The following SLC44A5 variants were observed in gnomAD, a reference collection of about 807,000 sequenced individuals.
SLC44A5 encodes solute carrier family 44 member 5.
SLC44A5 carries 57 observed loss-of-function variants against 101.8 expected under a neutral mutation model. The observed-to-expected ratio is 0.56, with a 90% CI of 0.45 to 0.70. SLC44A5 has a LOEUF of 0.70. Ranked by LOEUF, SLC44A5 falls within the 30% of genes least tolerant of loss-of-function variation. The pLI is 0.00. For missense variants in SLC44A5, 737 were observed against 853.1 expected (o/e 0.86, Z 1.70); for synonymous variants, 281 against 290.9 (o/e 0.97, Z 0.35).
intron 2 of SLC44A5, among the ~76,000 whole-genome samples, chr1:75,465,226 C>G (rs1240555475): frequency 6.6e-6 from 1 of 152,182 alleles, no homozygotes; most frequent in African/African-American, 2.4e-5. Context: ...AAATCAACAA[C>G]AAGAAGAATC....
the SLC44A5 span, among the ~76,000 whole-genome samples, chr1:75,689,267 C>T: frequency 1.3e-5 from 2 of 151,996 alleles, no homozygotes; most frequent in Admixed American, 1.3e-4. Context: ...GATAAGAATC[C>T]CATTCAAGTC....
In SLC44A5 at chr1:75,219,256, C is replaced by T; in HGVS notation, c.1266+1G>A. 6.3e-7 allele frequency: 1 copy of T among 1,598,800 alleles called. No individual in the cohort carries two copies. The highest frequency in any genetic ancestry group is 8.6e-7 in the Non-Finnish European group (1 of 1,166,274). On this transcript the variant is annotated splice_donor_variant, in intron 16 of 23. Transcript: ENST00000370859. LOFTEE classifies it high-confidence loss of function. ...TAAATGAAAGAGTTTCTTGTACTTA[C>T]CTCTGGGTCACAGGTTTGATTTTCA...
At chr1:75,368,297 T>C (rs1024537202) in intron 3 of SLC44A5, among the ~76,000 whole-genome samples, 4 of 152,222 alleles carry the variant, frequency 2.6e-5, no homozygotes, top group Admixed American at 2.0e-4. Flanking sequence ...GGATTGTTTC[T>C]AGAACCTTTC....
chr1:75,226,770 T>A (rs1181919042), intron 13 of SLC44A5, among the ~76,000 whole-genome samples: 1 of 152,130 alleles, frequency 6.6e-6, no homozygotes, highest in African/African-American at 2.4e-5. Flanking sequence ...TTTGAAAATC[T>A]TGATTAAAGA....
intron 7 of SLC44A5, among the ~76,000 whole-genome samples, chr1:75,248,389 G>T: frequency 6.6e-6 from 1 of 152,124 alleles, no homozygotes; most frequent in East Asian, 1.9e-4. Context: ...AAGAGGATGA[G>T]ATTTAATACA....
chr1:75,684,623 T>C, the SLC44A5 span, among the ~76,000 whole-genome samples: 1 of 152,220 alleles, frequency 6.6e-6, no homozygotes, highest in African/African-American at 2.4e-5. Flanking sequence ...CTTAAAGCTC[T>C]GAAATGATTT....
the SLC44A5 span, among the ~76,000 whole-genome samples, chr1:75,634,606 A>C: frequency 8.1e-4 from 123 of 151,450 alleles, no homozygotes; most frequent in Non-Finnish European, 1.3e-3. Context: ...AACTGGCTAG[A>C]CATATGTAGA....
chr1:75,329,912 A>G (rs919465175), intron 4 of SLC44A5, among the ~76,000 whole-genome samples: 1 of 152,012 alleles, frequency 6.6e-6, no homozygotes, highest in Non-Finnish European at 1.5e-5. Flanking sequence ...AGATTCTCCT[A>G]CTACGTGAAG....
intron 2 of SLC44A5, among the ~76,000 whole-genome samples, chr1:75,534,346 C>A (rs557209830): frequency 3.8e-4 from 58 of 152,290 alleles, no homozygotes; most frequent in African/African-American, 1.3e-3. Context: ...GGTGACAGAA[C>A]CAAGACCTAA....
At chr1:75,698,183 T>A in the SLC44A5 span, among the ~76,000 whole-genome samples, 1 of 152,272 alleles carries the variant, frequency 6.6e-6, no homozygotes, top group Non-Finnish European at 1.5e-5. Context: ...CCTCTGTAGG[T>A]TCCACCTCTG....
intron 1 of SLC44A5, among the ~76,000 whole-genome samples, chr1:75,577,510 C>A (rs766856812): frequency 6.6e-6 from 1 of 152,106 alleles, no homozygotes; most frequent in African/African-American, 2.4e-5. Flanking sequence ...TCTTTACCAG[C>A]GATTTCAGAT....
intron 3 of SLC44A5, among the ~76,000 whole-genome samples, chr1:75,367,838 G>T (rs1176503390): frequency 6.6e-6 from 1 of 152,156 alleles, no homozygotes; most frequent in East Asian, 1.9e-4. Context: ...CACTTACTTG[G>T]ATCCCATAGC....
At position 75,430,586 on chromosome 1, in the gene SLC44A5, G is replaced by A. The variant is rs79171864; in HGVS notation, c.14-33965C>T. Among the ~76,000 whole-genome samples the A allele has an allele frequency of 9.3e-4, 142 of 152,312 alleles. 3 individuals carry two copies. The East Asian group carries it at 0.025, about 26-fold the overall frequency. ...CAGCTCTGGAAGGGCTGTCATTGAT[G>A]TGCCAAGAAACTTAGACTTTATCAT... On this transcript the variant is annotated intron_variant, in intron 2 of 23. Transcript: ENST00000370859.
intron 2 of SLC44A5, among the ~76,000 whole-genome samples, chr1:75,510,790 AT>A (rs538111272): frequency 6.4e-4 from 97 of 152,332 alleles, no homozygotes; most frequent in African/African-American, 2.3e-3. Context: ...GAAGAAAAAA[AT>A]AAAGATATCT....
chr1:75,316,597 T>C (rs986171580), intron 4 of SLC44A5, among the ~76,000 whole-genome samples: 2 of 152,252 alleles, frequency 1.3e-5, no homozygotes, highest in African/African-American at 4.8e-5. Context: ...ATATCTTTAC[T>C]TCTATAATCA....
At chr1:75,544,158 T>A (rs1184611268) in intron 1 of SLC44A5, among the ~76,000 whole-genome samples, 1 of 152,136 alleles carries the variant, frequency 6.6e-6, no homozygotes, top group Non-Finnish European at 1.5e-5. Context: ...TTAATGCTGT[T>A]ATCAAGGGCG....
chr1:75,588,848 A>G (rs1044305866), intron 1 of SLC44A5, among the ~76,000 whole-genome samples: 3 of 152,226 alleles, frequency 2.0e-5, no homozygotes, highest in Non-Finnish European at 4.4e-5. Flanking sequence ...AACTGTGAAC[A>G]AGGCATGAAA....
chr1:75,612,545 C>A (rs1301423349), upstream of SLC44A5, among the ~76,000 whole-genome samples: 1 of 152,160 alleles, frequency 6.6e-6, no homozygotes, highest in Non-Finnish European at 1.5e-5. Context: ...ATCATTTGCT[C>A]GCACATCACT....
intron 5 of SLC44A5, among the ~76,000 whole-genome samples, chr1:75,279,650 T>C (rs1652227274): frequency 6.6e-6 from 1 of 152,188 alleles, no homozygotes; most frequent in Non-Finnish European, 1.5e-5. Flanking sequence ...ATTTATCTTA[T>C]AGCTTTTTTA....
Sources: allele counts gnomAD v4.1 joint callset (sites outside exome capture counted in the v4.1 genomes callset), GRCh38; gene constraint gnomAD v4.1.1; transcripts MANE v1.5; gene names NCBI Gene and HGNC (gene_info 2026-07-23, HGNC 2026-07-21).